CPNE4: variants seen among roughly 807,000 people sequenced by gnomAD.
CPNE4 encodes copine 4.
A neutral mutation model predicts 67.9 loss-of-function variants in CPNE4; 25 were observed. That is an observed-to-expected ratio of 0.37 (90% CI 0.27 to 0.51). CPNE4 has a LOEUF of 0.51. CPNE4 is among the 20% of genes least tolerant of loss of function. The probability of loss-of-function intolerance (pLI) is 0.93; values close to 1 mark genes in which losing one functional copy is unlikely to be tolerated. For missense variants in CPNE4, 464 were observed against 690.8 expected, an observed-to-expected ratio of 0.67 and a Z score of 3.68; for synonymous variants, 242 against 244.9, an observed-to-expected ratio of 0.99 and a Z score of 0.11.
At chr3:131,536,701 T>C (rs1935165480) in intron 15 of CPNE4, among the ~76,000 whole-genome samples, 1 of 152,268 alleles carries the variant, frequency 6.6e-6, no homozygotes, top group African/African-American at 2.4e-5. Flanking sequence ...TTTTCTCAAG[T>C]GATCTTTCAC....
At chr3:132,020,945 G>C (rs1421619319) in intron 1 of CPNE4, among the ~76,000 whole-genome samples, 4 of 152,198 alleles carry the variant, frequency 2.6e-5, no homozygotes, top group Non-Finnish European at 5.9e-5. Flanking sequence ...GCACAACTTT[G>C]ATGCTCTCAA....
intron 2 of CPNE4, among the ~76,000 whole-genome samples, chr3:131,785,671 T>TTCTC (rs10584037): frequency 3.3e-4 from 47 of 142,856 alleles, no homozygotes; most frequent in Middle Eastern, 3.6e-3. Flanking sequence ...CTTTCTCTCT[T>TTCTC]TCTCTCTCTC....
intron 2 of CPNE4, among the ~76,000 whole-genome samples, chr3:131,840,730 G>A (rs938243): frequency 0.89 from 134,918 of 152,134 alleles, 59,978 homozygotes; most frequent in East Asian, 1. Flanking sequence ...CTTGTTAATG[G>A]CCCAATCTTG....
chr3:131,740,947 T>C (rs2082343075), intron 2 of CPNE4, among the ~76,000 whole-genome samples: 1 of 152,194 alleles, frequency 6.6e-6, no homozygotes, highest in Non-Finnish European at 1.5e-5. Context: ...GCCTTTGCTG[T>C]CAACTCTGCC....
intron 1 of CPNE4, among the ~76,000 whole-genome samples, chr3:132,000,590 G>A (rs920019479): frequency 1.3e-5 from 2 of 151,566 alleles, no homozygotes; most frequent in African/African-American, 4.8e-5. Context: ...AAAGTGTTAA[G>A]GAAGAGACAA....
At chr3:131,858,742 T>C (rs1311936668) in intron 2 of CPNE4, among the ~76,000 whole-genome samples, 1 of 152,114 alleles carries the variant, frequency 6.6e-6, no homozygotes, top group African/African-American at 2.4e-5. Context: ...TAGCAGCAAA[T>C]GGAGCAAAAC....
upstream of CPNE4, chr3:132,037,742 C>T (rs750502556): frequency 5.8e-5 from 41 of 707,500 alleles, no homozygotes; most frequent in South Asian, 5.0e-4. Flanking sequence ...GGCATCCGCT[C>T]AGTGTCTTAT....
At chr3:131,870,886 A>G (rs2087171431) in intron 2 of CPNE4, among the ~76,000 whole-genome samples, 1 of 152,212 alleles carries the variant, frequency 6.6e-6, no homozygotes, top group Admixed American at 6.5e-5. Flanking sequence ...CCTGAAGAAG[A>G]GAAGGCTGGA....
chr3:131,912,370 G>C (rs1367099318), intron 1 of CPNE4, among the ~76,000 whole-genome samples: 2 of 152,028 alleles, frequency 1.3e-5, no homozygotes, highest in African/African-American at 2.4e-5. Context: ...AGCAGAGCTT[G>C]TCTTAAGACT....
rs919364391 is a variant in CPNE4, at chr3:131,958,623, T to C, written c.-1-53179A>G. On this transcript the variant is annotated intron_variant, in intron 1 of 15. Transcript: ENST00000429747. ...TTCTTTCTTTTCTTTTTTTTTTTTT[T>C]TTTTTTTTTTTTTTTTTTTGAGACA... Among the ~76,000 whole-genome samples the C allele has an allele frequency of 4.8e-3, 611 of 126,306 alleles. 14 individuals carry two copies. The highest frequency in any genetic ancestry group is 0.018 in the African/African-American group (556 of 30,176). 82.9% of individuals were successfully genotyped at this position (126,306 alleles called of 152,430 possible).
At chr3:132,038,206 G>A (rs946886549), upstream of CPNE4, among the ~76,000 whole-genome samples, 3 of 151,942 alleles carry the variant, frequency 2.0e-5, no homozygotes, top group Admixed American at 1.3e-4. Context: ...ATATGCCTGA[G>A]GTGTGATGTA....
intron 3 of CPNE4, among the ~76,000 whole-genome samples, chr3:131,701,656 C>A (rs138866900): frequency 2.0e-5 from 3 of 152,236 alleles, no homozygotes; most frequent in Non-Finnish European, 2.9e-5. Flanking sequence ...GGAGCGTAAG[C>A]CTGGAAGAAG....
rs571394392 is a variant in CPNE4 at position 131,817,610 on chromosome 3, G to A, written c.180+87654C>T. Among the ~76,000 whole-genome samples, 26 of 152,276 alleles carry A rather than the reference G, an allele frequency of 1.7e-4. No individual in the cohort carries two copies. In the East Asian group the frequency reaches 1.9e-3, roughly 11 times the overall value. ...AGGGAAAAAGAAGAGTGGTAGGTAC[G>A]TATTAGCCTTGGTCCAAGATGCAAA... On this transcript the variant is annotated intron_variant, in intron 2 of 15. Transcript: ENST00000429747.
At chr3:131,867,588 C>T (rs1442422679) in intron 2 of CPNE4, among the ~76,000 whole-genome samples, 1 of 152,094 alleles carries the variant, frequency 6.6e-6, no homozygotes, top group Non-Finnish European at 1.5e-5. Context: ...CCCTTGTGTT[C>T]TCAGAAAATG....
chr3:131,814,572 A>ATTTTTTTTTTTTT (rs71136418), intron 2 of CPNE4, among the ~76,000 whole-genome samples: 2 of 71,134 alleles, frequency 2.8e-5, no homozygotes, highest in African/African-American at 5.6e-5. Flanking sequence ...TTGAAATGCA[A>ATTTTTTTTTTTTT]TTTTTTTTTT....
At chr3:131,884,859 C>T (rs1263522538) in intron 2 of CPNE4, among the ~76,000 whole-genome samples, 1 of 152,206 alleles carries the variant, frequency 6.6e-6, no homozygotes, top group Non-Finnish European at 1.5e-5. Context: ...AATTTTGAGG[C>T]TTCCCTAGCC....
rs555647235 is a variant in CPNE4, at chr3:131,992,443, T to C, written c.-2+42124A>G. Among the ~76,000 whole-genome samples the C allele has an allele frequency of 1.0e-4, 14 of 136,836 alleles. 3 individuals are homozygous for C. In the South Asian group the frequency reaches 3.6e-3, roughly 35 times the overall value. The allele number at this position is 136,836 out of a possible 152,430, so 89.8% of individuals were successfully genotyped here. A position where few individuals can be genotyped will look rare whatever the true frequency, so the allele number is the denominator to read the frequency against. On this transcript the variant is annotated intron_variant, in intron 1 of 15. Coordinates refer to ENST00000429747, the MANE Select transcript of CPNE4 (RefSeq NM_130808.3). ...CCGGTAGCCCCTTTGTTTTGGCCAA[T>C]TTCTCCCATTTGGAATGGTTCCAAT...
chr3:131,673,275 C>T (rs2080471268), intron 6 of CPNE4, among the ~76,000 whole-genome samples: 2 of 151,962 alleles, frequency 1.3e-5, no homozygotes, highest in Non-Finnish European at 2.9e-5. Flanking sequence ...TGTGATTCCT[C>T]CAGTTTTGTT....
chr3:131,883,981 GT>G (rs10662767), intron 2 of CPNE4, among the ~76,000 whole-genome samples: 1 of 151,938 alleles, frequency 6.6e-6, no homozygotes, highest in African/African-American at 2.4e-5. Flanking sequence ...CCTCAGATAA[GT>G]TTTTCTTGGT....
Sources: gnomAD v4.1 joint callset for allele counts (sites outside exome capture counted in the v4.1 genomes callset) on GRCh38, gnomAD v4.1.1 for gene constraint, MANE v1.5 for transcripts, NCBI Gene and HGNC (gene_info 2026-07-23, HGNC 2026-07-21) for gene names.